PMFBP1: variants seen among roughly 807,000 people sequenced by gnomAD.
PMFBP1 encodes polyamine-modulated factor 1-binding protein 1.
Under a neutral mutation model 137.8 loss-of-function variants are expected in PMFBP1, and 131 were observed. That is an observed-to-expected ratio of 0.95 (90% CI 0.82 to 1.10). PMFBP1 has a LOEUF of 1.10. Among genes scored for constraint, PMFBP1 ranks in the 50% least tolerant of loss-of-function variants. The probability of loss-of-function intolerance (pLI) is 0.00; values close to 1 mark genes in which losing one functional copy is unlikely to be tolerated. For missense variants in PMFBP1, 1,199 were observed against 1,175.4 expected (o/e 1.02, Z -0.29); for synonymous variants, 490 against 450.4 (o/e 1.09, Z -1.11).
chr16:72,138,359 G>A (rs1438328381), intron 7 of PMFBP1, among the ~76,000 whole-genome samples: 1 of 152,174 alleles, frequency 6.6e-6, no homozygotes, highest in Non-Finnish European at 1.5e-5. Context: ...TTCAGCATCA[G>A]TCTTGGGGCG....
the PMFBP1 span, among the ~76,000 whole-genome samples, chr16:72,225,712 A>T: frequency 0.26 from 10,052 of 39,194 alleles, 672 homozygotes; most frequent in African/African-American, 0.47. Context: ...GACTGTTTAT[A>T]ATAATAATAA....
At chr16:72,196,191 C>A in the PMFBP1 span, among the ~76,000 whole-genome samples, 10 of 152,264 alleles carry the variant, frequency 6.6e-5, no homozygotes, top group South Asian at 1.7e-3. Context: ...AGTTAAGCAA[C>A]CCCTCCTCCT....
chr16:72,164,327 G>T, intron 3 of PMFBP1: 1 of 1,054,518 alleles, frequency 9.5e-7, no homozygotes, highest in Non-Finnish European at 1.3e-6. Context: ...TGAGACGCAG[G>T]TGCAGCAATA....
At chr16:72,184,848 T>C in the PMFBP1 span, among the ~76,000 whole-genome samples, 1 of 152,214 alleles carries the variant, frequency 6.6e-6, no homozygotes, top group South Asian at 2.1e-4. Context: ...TCTTCCCAAT[T>C]AATCTTCTAT....
At chr16:72,127,342 A>G (rs1902223339) in intron 14 of PMFBP1, among the ~76,000 whole-genome samples, 1 of 152,220 alleles carries the variant, frequency 6.6e-6, no homozygotes, top group Admixed American at 6.5e-5. Context: ...AGATGAAATA[A>G]TTTGGTCTTC....
At chr16:72,136,118 A>T (rs545121711) in intron 9 of PMFBP1, among the ~76,000 whole-genome samples, 1 of 152,154 alleles carries the variant, frequency 6.6e-6, no homozygotes, top group East Asian at 1.9e-4. Context: ...CTGTTATTTT[A>T]TATCATTTCC....
At chr16:72,162,468 G>A (rs1250533216) in intron 3 of PMFBP1, among the ~76,000 whole-genome samples, 1 of 152,186 alleles carries the variant, frequency 6.6e-6, no homozygotes, top group Non-Finnish European at 1.5e-5. Flanking sequence ...TGTAAACTAT[G>A]ACCTCCTGCT....
the PMFBP1 span, among the ~76,000 whole-genome samples, chr16:72,205,505 T>C: frequency 2.6e-5 from 4 of 152,208 alleles, no homozygotes; most frequent in Non-Finnish European, 5.9e-5. Context: ...CATCCTGGAT[T>C]GCTGTGGGTA....
the PMFBP1 span, among the ~76,000 whole-genome samples, chr16:72,191,191 G>C: frequency 6.6e-6 from 1 of 152,148 alleles, no homozygotes; most frequent in Non-Finnish European, 1.5e-5. Flanking sequence ...CTACTTTACA[G>C]ACAGATTCTG....
chr16:72,247,274 T>C, the PMFBP1 span, among the ~76,000 whole-genome samples: 2 of 152,212 alleles, frequency 1.3e-5, no homozygotes, highest in Admixed American at 1.3e-4. Flanking sequence ...TCTTTGGTCA[T>C]TTTCATCTGG....
the PMFBP1 span, among the ~76,000 whole-genome samples, chr16:72,224,044 A>G: frequency 3.2e-4 from 48 of 152,308 alleles, no homozygotes; most frequent in Non-Finnish European, 5.6e-4. Context: ...TGGTCTGCAG[A>G]AGAGAGGTAC....
intron 3 of PMFBP1, among the ~76,000 whole-genome samples, chr16:72,156,173 G>C (rs1166258938): frequency 6.6e-6 from 1 of 152,026 alleles, no homozygotes; most frequent in African/African-American, 2.4e-5. Context: ...TTTTAGTAGA[G>C]ATGGGGTTTT....
At chr16:72,194,516 A>G in the PMFBP1 span, among the ~76,000 whole-genome samples, 2 of 152,138 alleles carry the variant, frequency 1.3e-5, no homozygotes, top group Non-Finnish European at 2.9e-5. Context: ...CTGTAGTGCT[A>G]TCTGTGTTTC....
the PMFBP1 span, among the ~76,000 whole-genome samples, chr16:72,194,749 A>G: frequency 2.0e-5 from 3 of 152,276 alleles, no homozygotes; most frequent in Admixed American, 2.0e-4. Flanking sequence ...TCCTTGACAA[A>G]GAAGCTAAGG....
the PMFBP1 span, among the ~76,000 whole-genome samples, chr16:72,240,947 AAGAGAG>A: frequency 2.1e-4 from 27 of 131,562 alleles, no homozygotes; most frequent in Non-Finnish European, 3.4e-4. Flanking sequence ...GAGAGCGTGC[AAGAGAG>A]AGAGAGAGAG....
chr16:72,182,870 G>A, the PMFBP1 span, among the ~76,000 whole-genome samples: 4 of 152,078 alleles, frequency 2.6e-5, no homozygotes, highest in East Asian at 3.9e-4. Context: ...TCTCCCCTCC[G>A]CTCTGTGTCC....
the PMFBP1 span, among the ~76,000 whole-genome samples, chr16:72,244,791 C>G: frequency 2.0e-5 from 3 of 152,266 alleles, no homozygotes; most frequent in Admixed American, 1.3e-4. Context: ...TCCAGTGCAA[C>G]AAATCCCTTT....
At chr16:72,136,851 A>G in intron 7 of PMFBP1, 32 bp from the exon 8 acceptor site, 2 of 1,613,532 alleles carry the variant, frequency 1.2e-6, no homozygotes, top group East Asian at 4.5e-5. Flanking sequence ...CAGGATGAGG[A>G]GATGAGAGAC....
At chr16:72,146,224 G>A (rs548329825) in intron 5 of PMFBP1, among the ~76,000 whole-genome samples, 164 of 152,172 alleles carry the variant, frequency 1.1e-3, no homozygotes, top group African/African-American at 3.6e-3. Context: ...TTCAACACAC[G>A]CAAATCAATA....
Sources: gnomAD v4.1 joint callset for allele counts (sites outside exome capture counted in the v4.1 genomes callset) on GRCh38, gnomAD v4.1.1 for gene constraint, MANE v1.5 for transcripts, NCBI Gene and HGNC (gene_info 2026-07-23, HGNC 2026-07-21) for gene names.